Variants in FGF13 observed in about 807,000 individuals in gnomAD.
FGF13 encodes the protein fibroblast growth factor 13, also known as fibroblast growth factor homologous factor 2.
A neutral mutation model predicts 19.5 loss-of-function variants in FGF13; 2 were observed. The observed-to-expected ratio is 0.10, with a 90% CI of 0.04 to 0.32. FGF13 has a LOEUF of 0.32. Ranked by LOEUF, FGF13 falls within the 10% of genes least tolerant of loss-of-function variation. The pLI, the probability that FGF13 is intolerant of heterozygous loss-of-function variation, is 1.00. For synonymous variants in FGF13, 72 were observed against 76.9 expected, an observed-to-expected ratio of 0.94 and a Z score of 0.33; for missense variants, 113 against 192.7, an observed-to-expected ratio of 0.59 and a Z score of 2.45.
At chrX:138,940,335 T>C (rs2091751768) in intron 1 of FGF13, among the ~76,000 whole-genome samples, 1 of 112,209 alleles carries the variant, frequency 8.9e-6, no homozygotes, top group African/African-American at 3.2e-5. Context: ...TATTAAACCT[T>C]TGTCAGATGC....
At chrX:139,056,910 C>T (rs1409347373) in intron 1 of FGF13, among the ~76,000 whole-genome samples, 1 of 111,830 alleles carries the variant, frequency 8.9e-6, no homozygotes, top group African/African-American at 3.3e-5. Flanking sequence ...AGATGAATTT[C>T]AATCTCTTCA....
In FGF13 at chrX:139,162,413, G is replaced by A. The variant is rs1433259334; in HGVS notation, c.-113+41003C>T. On this transcript the variant is annotated intron_variant, in intron 1 of 2. Transcript: ENST00000421460. ...AAAATTAACTCAAGATGGATTAAACGTTAAGACCTAAAACCATGAACACCC... is the reference window on the plus strand; with the variant it reads ...AAAATTAACTCAAGATGGATTAAACATTAAGACCTAAAACCATGAACACCC... Among the ~76,000 whole-genome samples the A allele has an allele frequency of 1.3e-4, 14 of 110,817 alleles. No homozygotes were observed. The East Asian group carries it at 1.7e-3, about 13-fold the overall frequency.
intron 1 of FGF13, among the ~76,000 whole-genome samples, chrX:138,894,680 C>CA (rs1392689030): frequency 1.6e-4 from 17 of 104,425 alleles, no homozygotes; most frequent in Admixed American, 3.1e-4. Context: ...GCCTACCAAC[C>CA]AAAAAAAAAA....
At chrX:138,925,817 G>A (rs906828139) in intron 1 of FGF13, among the ~76,000 whole-genome samples, 3 of 111,647 alleles carry the variant, frequency 2.7e-5, no homozygotes, top group Non-Finnish European at 5.6e-5. Context: ...AATGAGCTTC[G>A]TTGTGGGACA....
chrX:138,813,107 A>C (rs1308484034), intron 3 of FGF13, among the ~76,000 whole-genome samples: 1 of 111,943 alleles, frequency 8.9e-6, no homozygotes. Context: ...ACTGATGGGC[A>C]TTTAAATAGT....
At chrX:139,005,567 T>C (rs2092097671) in intron 1 of FGF13, among the ~76,000 whole-genome samples, 1 of 109,872 alleles carries the variant, frequency 9.1e-6, no homozygotes, top group African/African-American at 3.3e-5. Flanking sequence ...CTGAAAAACA[T>C]GACCTCACTA....
chrX:138,772,899 T>C (rs1375201443), intron 3 of FGF13, among the ~76,000 whole-genome samples: 2 of 110,696 alleles, frequency 1.8e-5, no homozygotes, highest in Non-Finnish European at 3.8e-5. Context: ...CATTGAGTCT[T>C]GCTGGCATAA....
chrX:138,641,086 GT>G (rs2089246688), intron 3 of FGF13, among the ~76,000 whole-genome samples: 1 of 112,390 alleles, frequency 8.9e-6, no homozygotes, highest in East Asian at 2.8e-4. Context: ...TGATGGCAGT[GT>G]TGCCAAGTGC....
intron 1 of FGF13, among the ~76,000 whole-genome samples, chrX:139,194,312 T>C (rs973720544): frequency 8.9e-6 from 1 of 112,304 alleles, no homozygotes; most frequent in Non-Finnish European, 1.9e-5. Flanking sequence ...CTCAAAAAGT[T>C]AACTTGGTAG....
At chrX:138,913,571 GAAAGA>G (rs1322778129) in intron 1 of FGF13, among the ~76,000 whole-genome samples, 4 of 104,690 alleles carry the variant, frequency 3.8e-5, no homozygotes, top group Admixed American at 1.1e-4. Context: ...TCAGGAAGGG[GAAAGA>G]AAAGAAAAGA....
At chrX:138,683,479 TGTATAGGGTATTGATATTTTA>T (rs747535281) in intron 3 of FGF13, among the ~76,000 whole-genome samples, 3 of 110,359 alleles carry the variant, frequency 2.7e-5, no homozygotes, top group African/African-American at 9.9e-5. Flanking sequence ...CTTCTCTTGT[TGTATAGGGTATTGATATTTTA>T]GTTTTAAGTC....
intron 1 of FGF13, among the ~76,000 whole-genome samples, chrX:139,038,872 T>A (rs781167187): frequency 8.9e-6 from 1 of 112,242 alleles, no homozygotes. Flanking sequence ...TTGAAAAATT[T>A]GGTAGTGAGC....
chrX:139,155,404 C>T (rs1813848199), intron 1 of FGF13, among the ~76,000 whole-genome samples: 1 of 112,094 alleles, frequency 8.9e-6, no homozygotes, highest in Non-Finnish European at 1.9e-5. Context: ...CCAGCTCTGT[C>T]TCTCTATAGG....
intron 1 of FGF13, among the ~76,000 whole-genome samples, chrX:139,151,066 T>C (rs1234082482): frequency 9.2e-6 from 1 of 109,114 alleles, no homozygotes; most frequent in Non-Finnish European, 1.9e-5. Context: ...CAATACAGTC[T>C]CCAAAGGGTT....
At chrX:138,733,857 C>G (rs6634019) in intron 1 of FGF13, among the ~76,000 whole-genome samples, 1 of 110,132 alleles carries the variant, frequency 9.1e-6, no homozygotes. Flanking sequence ...ATCACATACT[C>G]TGAGAATGAA....
intron 1 of FGF13, among the ~76,000 whole-genome samples, chrX:139,174,591 T>C (rs1400353292): frequency 8.9e-6 from 1 of 111,888 alleles, no homozygotes; most frequent in African/African-American, 3.3e-5. Flanking sequence ...AAGGAAGGGG[T>C]CCAGTTTCAG....
At chrX:138,808,671 C>A (rs2090893259) in intron 3 of FGF13, among the ~76,000 whole-genome samples, 2 of 105,907 alleles carry the variant, frequency 1.9e-5, no homozygotes, top group African/African-American at 3.8e-5. Flanking sequence ...TTGACAAGAT[C>A]AACAAAATCA....
At chrX:138,879,473 G>C in intron 1 of FGF13, among the ~76,000 whole-genome samples, 1 of 111,886 alleles carries the variant, frequency 8.9e-6, no homozygotes, top group Admixed American at 9.5e-5. Flanking sequence ...TTTTCTAAGA[G>C]TTTTATGGTT....
At chrX:139,159,222 C>T (rs1226385515) in intron 1 of FGF13, among the ~76,000 whole-genome samples, 1 of 111,683 alleles carries the variant, frequency 9.0e-6, no homozygotes, top group South Asian at 3.7e-4. Context: ...CATATGCAGC[C>T]AAACTAAGCT....
Sources: allele counts gnomAD v4.1 joint callset (sites outside exome capture counted in the v4.1 genomes callset), GRCh38; gene constraint gnomAD v4.1.1; transcripts MANE v1.5; gene names NCBI Gene and HGNC (gene_info 2026-07-23, HGNC 2026-07-21).